The following LETM1 variants were observed in gnomAD, a reference collection of about 807,000 sequenced individuals.
LETM1 encodes mitochondrial proton/calcium exchanger protein.
A neutral mutation model predicts 74.5 loss-of-function variants in LETM1; 50 were observed. The observed-to-expected ratio is 0.67, with a 90% CI of 0.53 to 0.85. The LOEUF (loss-of-function observed/expected upper bound fraction) is 0.85, where lower values mean the gene tolerates loss of function less well. LETM1 is among the 40% of genes least tolerant of loss of function. LETM1 has a pLI of 0.00. For missense variants in LETM1, 824 were observed against 967.8 expected (o/e 0.85, Z 1.97); for synonymous variants, 446 against 407.1 (o/e 1.10, Z -1.15).
intron 6 of LETM1, among the ~76,000 whole-genome samples, chr4:1,829,526 C>G (rs977303479): frequency 1.3e-5 from 2 of 152,330 alleles, no homozygotes; most frequent in South Asian, 2.1e-4. Context: ...GTAAAGATGC[C>G]GTTCTTGGCC....
In LETM1 at chr4:1,822,193, C is replaced by G. The variant is rs1252974010; in HGVS notation, c.1596G>C (p.Leu532=). 1 of 1,455,998 alleles carries G rather than the reference C, an allele frequency of 6.9e-7. No homozygotes were observed. Among genetic ancestry groups the G allele is most frequent in the Non-Finnish European group, 9.2e-7 (1 of 1,090,430 alleles). 90.2% of individuals were successfully genotyped at this position (1,455,998 alleles called of 1,614,324 possible). The change falls in exon 10 of 14, where the codon CTG becomes CTC. Residue 532 remains leucine, a synonymous_variant. Coordinates refer to ENST00000302787, the MANE Select transcript of LETM1 (RefSeq NM_012318.3). The stretch of plus-strand genomic sequence containing the variant: ...CCTGCCTCATTACCTTCAAGCCCTC[C>G]AGCACCGGGGCAGTGTCCTTCAAGG... The part of the protein sequence containing the change: ...SETLKDTAPV[L]EGLKEEEITK...
At chr4:1,820,527 T>C (rs952702306) in intron 10 of LETM1, among the ~76,000 whole-genome samples, 1 of 152,198 alleles carries the variant, frequency 6.6e-6, no homozygotes, top group African/African-American at 2.4e-5. Context: ...ACAGACAACC[T>C]CATCAGCGTC....
rs867332327 is a variant in LETM1, at chr4:1,823,023, G to A, written c.1441C>T (p.Arg481Cys). Reference sequence around the variant, plus strand: ...GAGCGCTTCTGCAGCTCCTTCTCACGGTGCTCCTGCTGGATGGCCGCCTCC... The same window carrying A: ...GAGCGCTTCTGCAGCTCCTTCTCACAGTGCTCCTGCTGGATGGCCGCCTCC... The part of the protein sequence containing the change: ...QEEAAIQQEH[R>C]EKELQKRSEV... Residue 481 changes from arginine to cysteine, a missense_variant, in exon 9 of 14, where the codon CGT becomes TGT. Coordinates refer to ENST00000302787, the MANE Select transcript of LETM1 (RefSeq NM_012318.3). 36 of 1,606,932 alleles carry A rather than the reference G, an allele frequency of 2.2e-5. No homozygotes were observed. The highest frequency in any genetic ancestry group is 2.3e-5 in the East Asian group (1 of 44,294).
At chr4:1,853,957 T>C (rs951168178) in intron 1 of LETM1, among the ~76,000 whole-genome samples, 5 of 152,184 alleles carry the variant, frequency 3.3e-5, no homozygotes, top group African/African-American at 1.2e-4. Context: ...AATGACAGAA[T>C]CGCACATAAA....
At position 1,823,738 on chromosome 4, in the gene LETM1, G is replaced by T; in HGVS notation, c.1238C>A (p.Ser413Ter). 1 of 1,613,622 alleles carries T rather than the reference G, an allele frequency of 6.2e-7. No individual in the cohort carries two copies. Among genetic ancestry groups the T allele is most frequent in the Non-Finnish European group, 8.5e-7 (1 of 1,179,802 alleles). ...CATGGCCCGGGACAGGATGAGCAGC[G>T]ATGTGGGGATCTCCTGATGCAGGTG... is the stretch of plus-strand genomic sequence containing the variant. ...DLHLHQEIPT[S>*]LLILSRAMYL... Residue 413 changes from serine (S) to a stop codon, truncating the protein, a stop_gained, in exon 8 of 14, where the codon TCG becomes TAG. Coordinates refer to ENST00000302787, the MANE Select transcript of LETM1 (RefSeq NM_012318.3). LOFTEE classifies it high-confidence loss of function.
rs371224656 is a variant in LETM1, at chr4:1,822,871, T to A, written c.1476+117A>T. ...TGACCACTCCAGGAGGAAATAAACA[T>A]GCAGGACAGAGCTGCAGGGCAAGCA... On this transcript the variant is annotated intron_variant, in intron 9 of 13. Transcript: ENST00000302787. 284 of 1,051,202 alleles carry A rather than the reference T, an allele frequency of 2.7e-4. 4 individuals carry two copies. The South Asian group carries it at 0.011, about 39-fold the overall frequency. The allele number at this position is 1,051,202 out of a possible 1,614,324, so 65.1% of individuals were successfully genotyped here.
At chr4:1,849,268 T>A in intron 1 of LETM1, 59 bp from the exon 2 acceptor site, 4 of 1,246,706 alleles carry the variant, frequency 3.2e-6, no homozygotes, top group African/African-American at 1.5e-5. Flanking sequence ...TACTGATACC[T>A]TTTTTTGTTG....
chr4:1,815,832 G>C (rs764568145), intron 12 of LETM1, 30 bp from the exon 13 acceptor site: 5 of 1,608,950 alleles, frequency 3.1e-6, no homozygotes, highest in Non-Finnish European at 4.2e-6. Context: ...ATGTGGCCAC[G>C]GGCAGGCGTC....
intron 10 of LETM1, among the ~76,000 whole-genome samples, chr4:1,821,510 G>A (rs1165154596): frequency 2.0e-5 from 3 of 151,548 alleles, no homozygotes; most frequent in African/African-American, 7.3e-5. Flanking sequence ...CTAACATGGT[G>A]AAACCCCCTG....
chr4:1,838,712 C>T (rs537829617), intron 3 of LETM1, among the ~76,000 whole-genome samples: 2 of 152,162 alleles, frequency 1.3e-5, no homozygotes, highest in South Asian at 2.1e-4. Flanking sequence ...AGTAGAGCCA[C>T]AAAAACGTAA....
chr4:1,824,518 C>A (rs1261089678), intron 7 of LETM1, among the ~76,000 whole-genome samples: 3 of 151,980 alleles, frequency 2.0e-5, no homozygotes, highest in South Asian at 4.1e-4. Context: ...GAACACGGGG[C>A]AAAACATGAG....
At chr4:1,840,483 C>T (rs1040209689) in intron 3 of LETM1, among the ~76,000 whole-genome samples, 3 of 151,868 alleles carry the variant, frequency 2.0e-5, no homozygotes, top group Non-Finnish European at 4.4e-5. Context: ...CTGGCTAACA[C>T]GGTGAAACCC....
chr4:1,853,959 G>T (rs528366117), intron 1 of LETM1, among the ~76,000 whole-genome samples: 1 of 152,222 alleles, frequency 6.6e-6, no homozygotes, highest in East Asian at 1.9e-4. Flanking sequence ...TGACAGAATC[G>T]CACATAAAAA....
chr4:1,837,637 A>C (rs560461650), intron 3 of LETM1, among the ~76,000 whole-genome samples: 2 of 152,096 alleles, frequency 1.3e-5, no homozygotes, highest in South Asian at 2.1e-4. Flanking sequence ...ATTTTAAATA[A>C]ATTTGATGAT....
At position 1,814,390 on chromosome 4, in the gene LETM1, C is replaced by A. The variant is rs758949687; in HGVS notation, c.*34G>T. ...CTCACGGCCCTTGCCAGGGTGACGGCACAGCAGGAGGACAGGTGCCCAGGC... is the reference window on the plus strand; with the variant it reads ...CTCACGGCCCTTGCCAGGGTGACGGAACAGCAGGAGGACAGGTGCCCAGGC... On this transcript the variant is annotated 3_prime_UTR_variant, in exon 14 of 14. Coordinates refer to ENST00000302787, the MANE Select transcript of LETM1 (RefSeq NM_012318.3). 1 of 1,613,800 alleles carries A rather than the reference C, an allele frequency of 6.2e-7. No individual in the cohort carries two copies.
chr4:1,842,009 A>G (rs1360181610), intron 2 of LETM1, among the ~76,000 whole-genome samples: 1 of 152,038 alleles, frequency 6.6e-6, no homozygotes, highest in Non-Finnish European at 1.5e-5. Context: ...CCTCAGCCCC[A>G]CACCACGTCG....
chr4:1,822,033 G>A, intron 10 of LETM1, 148 bp downstream of exon 10: 1 of 765,232 alleles, frequency 1.3e-6, no homozygotes, highest in Non-Finnish European at 1.9e-6. Context: ...GGGGCCCAGT[G>A]GCCTCATCCT....
At chr4:1,846,651 A>G (rs960594429) in intron 2 of LETM1, 1 of 152,252 alleles carries the variant, frequency 6.6e-6, no homozygotes, top group Admixed American at 6.5e-5. Flanking sequence ...AGTAACAGAC[A>G]GAACAAAGAT....
intron 6 of LETM1, 132 bp downstream of exon 6, chr4:1,832,612 G>T: frequency 2.5e-6 from 2 of 785,656 alleles, no homozygotes; most frequent in Non-Finnish European, 2.1e-6. Flanking sequence ...CAAGTGGCAA[G>T]ACTCCTAGTG....
Sources: gnomAD v4.1 joint callset for allele counts (sites outside exome capture counted in the v4.1 genomes callset) on GRCh38, gnomAD v4.1.1 for gene constraint, MANE v1.5 for transcripts, NCBI Gene and HGNC (gene_info 2026-07-23, HGNC 2026-07-21) for gene names.